ABCA8: variants seen among roughly 807,000 people sequenced by gnomAD.
ABCA8 encodes ABC-type organic anion transporter ABCA8.
Under a neutral mutation model 192.3 loss-of-function variants are expected in ABCA8, and 177 were observed. That is an observed-to-expected ratio of 0.92 (90% confidence interval 0.81 to 1.04). The LOEUF (loss-of-function observed/expected upper bound fraction) is 1.04. ABCA8 is among the 50% of genes least tolerant of loss of function. The pLI, the probability that ABCA8 is intolerant of heterozygous loss-of-function variation, is 0.00. For missense variants in ABCA8, 1,915 were observed against 1,904.8 expected (o/e 1.01, Z -0.10); for synonymous variants, 642 against 690.2 (o/e 0.93, Z 1.09).
At position 68,911,308 on chromosome 17, in the gene ABCA8, G is replaced by A. The variant is rs1007235465; in HGVS notation, c.2139-3429C>T. 1.6e-4 allele frequency among the ~76,000 whole-genome samples: 25 copies of A among 152,096 alleles called. No homozygotes were observed. The highest frequency in any genetic ancestry group is 5.3e-4 in the African/African-American group (22 of 41,408). On this transcript the variant is annotated intron_variant, in intron 17 of 39. Coordinates refer to ENST00000586539, the MANE Select transcript of ABCA8 (RefSeq NM_001288985.2). The surrounding 1 kb of genome is among the most constrained non-coding windows in gnomAD (Gnocchi z 5.7). ...CATCAGTGGTAGCCAGGCAGTACTC[G>A]CTGCAGGCCTGGGGCAGTGGTGACT...
intron 37 of ABCA8, among the ~76,000 whole-genome samples, chr17:68,874,430 A>G (rs998791906): frequency 2.0e-5 from 3 of 152,150 alleles, no homozygotes; most frequent in African/African-American, 7.2e-5. Flanking sequence ...TCTCAGATAA[A>G]TGTTTGTCTT....
At chr17:68,950,947 C>G (rs1441201307) in intron 1 of ABCA8, among the ~76,000 whole-genome samples, 1 of 152,098 alleles carries the variant, frequency 6.6e-6, no homozygotes, top group Admixed American at 6.5e-5. Context: ...CTCAGCCTCC[C>G]GAGACCTTGA....
chr17:68,877,986 T>C (rs2066250546), intron 32 of ABCA8: 1 of 255,824 alleles, frequency 3.9e-6, no homozygotes, highest in Admixed American at 5.3e-5. Flanking sequence ...TGAAGCATAT[T>C]GATTGAATTA....
chr17:68,913,492 T>C (rs2067273838), intron 17 of ABCA8, among the ~76,000 whole-genome samples: 1 of 147,868 alleles, frequency 6.8e-6, no homozygotes, highest in Non-Finnish European at 1.5e-5. Flanking sequence ...TTAGCCAGAC[T>C]AAAAAAAAGA....
At chr17:68,888,957 A>T (rs750059898) in intron 24 of ABCA8, among the ~76,000 whole-genome samples, 69 of 152,240 alleles carry the variant, frequency 4.5e-4, no homozygotes, top group Non-Finnish European at 8.2e-4. Context: ...AAGGAGACAA[A>T]CAATGGACAG....
At chr17:68,897,537 A>G (rs1324940727) in intron 21 of ABCA8, among the ~76,000 whole-genome samples, 1 of 152,254 alleles carries the variant, frequency 6.6e-6, no homozygotes, top group Admixed American at 6.5e-5. Flanking sequence ...AACCTAAAAA[A>G]CAAAGACTTC....
chr17:68,900,745 T>C (rs1309582946), intron 21 of ABCA8, among the ~76,000 whole-genome samples: 2 of 152,100 alleles, frequency 1.3e-5, no homozygotes, highest in Non-Finnish European at 2.9e-5. Flanking sequence ...CATGACCAAG[T>C]ATGATTTATC....
chr17:68,903,612 G>T, intron 19 of ABCA8, 113 bp from the exon 20 acceptor site: 1 of 891,410 alleles, frequency 1.1e-6, no homozygotes, highest in Non-Finnish European at 1.7e-6. Context: ...GGTATAACGT[G>T]GTTTTGCTGG....
At chr17:68,876,820 T>A in intron 33 of ABCA8, 117 bp from the exon 34 acceptor site, 1 of 1,234,828 alleles carries the variant, frequency 8.1e-7, no homozygotes, top group Non-Finnish European at 1.2e-6. Context: ...ATACATGTGG[T>A]CGGGGGGCAG....
intron 4 of ABCA8, among the ~76,000 whole-genome samples, chr17:68,939,986 T>C (rs1017718018): frequency 1.3e-5 from 2 of 152,080 alleles, no homozygotes; most frequent in Non-Finnish European, 2.9e-5. Context: ...GACACATATG[T>C]ATCACAGCAG....
Position 68,891,605 on chromosome 17 carries a change from C to T in ABCA8, c.3037-9G>A. On this transcript the variant is annotated splice_polypyrimidine_tract_variant and intron_variant, in intron 23 of 39. Transcript: ENST00000586539. ...GGATTGTCCTGTCCATTCTGAAAAACCCAAAGAATACAATGAACTGAATGA... is the reference window on the plus strand; with the variant it reads ...GGATTGTCCTGTCCATTCTGAAAAATCCAAAGAATACAATGAACTGAATGA... 6.3e-7 allele frequency: 1 copy of T among 1,584,292 alleles called. No homozygotes were observed. The highest frequency in any genetic ancestry group is 8.6e-7 in the Non-Finnish European group (1 of 1,158,650).
chr17:68,940,733 C>A, intron 4 of ABCA8, 25 bp downstream of exon 4: 1 of 1,580,630 alleles, frequency 6.3e-7, no homozygotes, highest in Non-Finnish European at 8.7e-7. Context: ...ACCAGACATT[C>A]TTCTTAAGTA....
At position 68,875,704 on chromosome 17, in the gene ABCA8, G is replaced by T. The variant is rs182925368; in HGVS notation, c.4400C>A (p.Thr1467Lys). The T allele has an allele frequency of 1.9e-6, 3 of 1,614,092 alleles. No individual in the cohort carries two copies. The highest frequency in any genetic ancestry group is 8.5e-7 in the Non-Finnish European group (1 of 1,179,972). The change falls in exon 36 of 40, where the codon ACG becomes AAG. Residue 1467 changes from threonine (T) to lysine (K), a missense_variant. Coordinates refer to ENST00000586539, the MANE Select transcript of ABCA8 (RefSeq NM_001288985.2). The part of the protein sequence containing the change: ...WQAIRATFRN[T>K]ERGALLTTHY... ...GGTGGTTAGGAGGGCACCCCTTTCC[G>T]TGTTTCTAAAGGTGGCCCGGATGGC...
intron 5 of ABCA8, 99 bp downstream of exon 5, chr17:68,936,852 T>C (rs1371349906): frequency 9.4e-7 from 1 of 1,064,962 alleles, no homozygotes; most frequent in Non-Finnish European, 1.3e-6. Context: ...TTATGACAGA[T>C]AGTGATGCTC....
intron 21 of ABCA8, among the ~76,000 whole-genome samples, chr17:68,898,287 C>A (rs1279376260): frequency 6.6e-6 from 1 of 152,028 alleles, no homozygotes; most frequent in African/African-American, 2.4e-5. Context: ...ATGGTTACAC[C>A]AAAAGCCCAG....
Position 68,929,551 on chromosome 17 carries a change from A to G in ABCA8, c.939+10T>C, listed in dbSNP as rs1324988097. ...AGGTGGATGGAAAGATATTTAATTCACTAACTCACCAAAGATAATCCATAC... is the reference window on the plus strand; with the variant it reads ...AGGTGGATGGAAAGATATTTAATTCGCTAACTCACCAAAGATAATCCATAC... On this transcript the variant is annotated intron_variant, in intron 8 of 39. Transcript: ENST00000586539. 6.2e-7 allele frequency: 1 copy of G among 1,608,236 alleles called. No homozygotes were observed. Among genetic ancestry groups the G allele is most frequent in the Admixed American group, 1.7e-5 (1 of 58,188 alleles).
intron 4 of ABCA8, among the ~76,000 whole-genome samples, chr17:68,938,618 T>A (rs1436418847): frequency 6.6e-6 from 1 of 152,156 alleles, no homozygotes; most frequent in African/African-American, 2.4e-5. Context: ...TTCACCCTTT[T>A]AATAATTTCA....
chr17:68,897,636 C>T (rs67927198), intron 21 of ABCA8, among the ~76,000 whole-genome samples: 63,953 of 151,914 alleles, frequency 0.42, 14,048 homozygotes, highest in East Asian at 0.56. Context: ...TCTCACCAAA[C>T]AGATTATACC....
intron 25 of ABCA8, 33 bp downstream of exon 25, chr17:68,887,303 A>G (rs2066487528): frequency 6.5e-7 from 1 of 1,536,688 alleles, no homozygotes; most frequent in Non-Finnish European, 8.9e-7. Context: ...TGATATTGTG[A>G]ATATTGTCAC....
Sources: gnomAD v4.1 joint callset for allele counts (sites outside exome capture counted in the v4.1 genomes callset) on GRCh38, gnomAD v4.1.1 for gene constraint, Gnocchi (gnomAD v3.1) non-coding constraint, MANE v1.5 for transcripts, NCBI Gene and HGNC (gene_info 2026-07-23, HGNC 2026-07-21) for gene names.